Variants in NBAS observed in about 807,000 individuals in gnomAD.
The protein encoded by NBAS is NBAS subunit of NRZ tethering complex.
A neutral mutation model predicts 302.5 loss-of-function variants in NBAS; 219 were observed. The observed-to-expected ratio is 0.72, with a 90% CI of 0.65 to 0.81. The LOEUF (loss-of-function observed/expected upper bound fraction) is 0.81, where lower values mean the gene tolerates loss of function less well. NBAS is among the 30% of genes least tolerant of loss of function. The pLI, the probability that NBAS is intolerant of heterozygous loss-of-function variation, is 0.00. For missense variants in NBAS, 2,932 were observed against 2,841.6 expected (o/e 1.03, Z -0.72); for synonymous variants, 1,118 against 1,021.6 (o/e 1.09, Z -1.80).
the NBAS span, among the ~76,000 whole-genome samples, chr2:14,921,264 C>G: frequency 6.6e-6 from 1 of 152,116 alleles, no homozygotes; most frequent in African/African-American, 2.4e-5. Context: ...AGTTCTCCAT[C>G]TTATATGAGT....
intron 43 of NBAS, among the ~76,000 whole-genome samples, chr2:15,276,101 C>T (rs1020766968): frequency 2.6e-5 from 4 of 152,146 alleles, no homozygotes; most frequent in South Asian, 2.1e-4. Context: ...CCATGCCTTT[C>T]GAATCCGCCG....
the NBAS span, among the ~76,000 whole-genome samples, chr2:15,059,960 A>ACACAC: frequency 7.4e-5 from 8 of 108,708 alleles, no homozygotes; most frequent in Non-Finnish European, 8.4e-5. Flanking sequence ...AAAAAAAAAA[A>ACACAC]AAACAAAAAA....
At chr2:15,362,558 C>A (rs1558271577) in intron 32 of NBAS, among the ~76,000 whole-genome samples, 1 of 151,936 alleles carries the variant, frequency 6.6e-6, no homozygotes. Context: ...GATTCATAAA[C>A]CTATTATTAG....
At chr2:15,043,835 GGT>G in the NBAS span, among the ~76,000 whole-genome samples, 1 of 152,132 alleles carries the variant, frequency 6.6e-6, no homozygotes, top group Admixed American at 6.5e-5. Flanking sequence ...CACCTTGGAG[GGT>G]GCCTTCTGAC....
chr2:14,913,567 A>G, the NBAS span, among the ~76,000 whole-genome samples: 2 of 147,624 alleles, frequency 1.4e-5, no homozygotes, highest in Non-Finnish European at 1.5e-5. Context: ...GAGATATTTC[A>G]TCTCTATCCT....
chr2:15,374,545 A>G, intron 31 of NBAS, 63 bp downstream of exon 31: 1 of 1,387,474 alleles, frequency 7.2e-7, no homozygotes, highest in Non-Finnish European at 1.0e-6. Flanking sequence ...AAACTAAAAA[A>G]GAATACTAGT....
chr2:15,497,420 T>C (rs1279821043), intron 11 of NBAS, among the ~76,000 whole-genome samples: 2 of 152,134 alleles, frequency 1.3e-5, no homozygotes, highest in Non-Finnish European at 2.9e-5. Context: ...AAGATGATAC[T>C]GGTAGCAAAG....
chr2:15,292,786 GA>G lies in NBAS; in HGVS notation c.4798-21del. 1 of 1,610,858 alleles carries G rather than the reference GA, an allele frequency of 6.2e-7. No homozygotes were observed. Among genetic ancestry groups the G allele is most frequent in the Non-Finnish European group, 8.5e-7 (1 of 1,177,220 alleles). On this transcript the variant is annotated intron_variant, in intron 40 of 51. Transcript: ENST00000281513. ...ATCAGCCTATGAAAGACATGGAAAA[GA>G]AGACATTTTACCAACATCATACAAA...
chr2:15,409,738 A>T (rs12989038), intron 25 of NBAS, among the ~76,000 whole-genome samples: 76,933 of 151,900 alleles, frequency 0.51, 22,980 homozygotes, highest in Non-Finnish European at 0.67. Context: ...ATCTATTACC[A>T]GAGGGGAAGT....
the NBAS span, among the ~76,000 whole-genome samples, chr2:15,050,643 AG>A: frequency 6.6e-6 from 1 of 152,144 alleles, no homozygotes; most frequent in Non-Finnish European, 1.5e-5. Context: ...TCCCCTCTGG[AG>A]CCCTAGAGCT....
At chr2:15,460,551 T>C (rs1679459942) in intron 21 of NBAS, among the ~76,000 whole-genome samples, 1 of 152,202 alleles carries the variant, frequency 6.6e-6, no homozygotes. Context: ...GGTCTGTTTT[T>C]GAGCTATGCA....
intron 36 of NBAS, 137 bp downstream of exon 36, chr2:15,330,459 TGA>T: frequency 9.2e-7 from 1 of 1,085,292 alleles, no homozygotes; most frequent in Admixed American, 2.2e-5. Context: ...CCCTATCTGA[TGA>T]GAGGCCTACA....
chr2:15,430,361 T>TATG (rs987752813), intron 21 of NBAS, among the ~76,000 whole-genome samples: 2 of 152,124 alleles, frequency 1.3e-5, no homozygotes, highest in African/African-American at 4.8e-5. Flanking sequence ...ATCACACTGA[T>TATG]ATGATGATGA....
At chr2:14,996,048 G>A in the NBAS span, among the ~76,000 whole-genome samples, 1 of 151,944 alleles carries the variant, frequency 6.6e-6, no homozygotes, top group African/African-American at 2.4e-5. Flanking sequence ...AGTTGGTGAC[G>A]TCCCTGTTGT....
intron 26 of NBAS, among the ~76,000 whole-genome samples, chr2:15,401,830 G>C (rs1179284064): frequency 2.6e-5 from 4 of 152,122 alleles, no homozygotes; most frequent in African/African-American, 7.2e-5. Context: ...TATGAAAAAT[G>C]CTTCATTAAA....
chr2:14,884,675 C>G, the NBAS span, among the ~76,000 whole-genome samples: 1 of 152,172 alleles, frequency 6.6e-6, no homozygotes, highest in African/African-American at 2.4e-5. Context: ...GCCCAGTGCT[C>G]TCCATCAGGG....
At chr2:14,929,622 C>T in the NBAS span, among the ~76,000 whole-genome samples, 1 of 152,220 alleles carries the variant, frequency 6.6e-6, no homozygotes, top group African/African-American at 2.4e-5. Context: ...AGATGATCTG[C>T]CTGCCTTGGC....
Position 15,533,675 on chromosome 2 carries a change from T to TGTGC in NBAS, c.746+864_746+867dup, listed in dbSNP as rs1396999895. Reference sequence around the variant, plus strand: ...AGAGCACAAGGAGGACTTCGGGGGGTGTGCGTGTGTGTGTGTGTGTGTGTG... The same window carrying TGTGC: ...AGAGCACAAGGAGGACTTCGGGGGGTGTGCGTGCGTGTGTGTGTGTGTGTGTGTG... On this transcript the variant is annotated intron_variant, in intron 9 of 51. Transcript: ENST00000281513. 1.3e-4 allele frequency among the ~76,000 whole-genome samples: 14 copies of TGTGC among 108,404 alleles called. No individual in the cohort carries two copies. In the East Asian group the frequency reaches 3.1e-3, roughly 24 times the overall value. 71.1% of individuals were successfully genotyped at this position (108,404 alleles called of 152,430 possible).
the NBAS span, among the ~76,000 whole-genome samples, chr2:14,969,370 GTTATTA>G: frequency 1.4e-3 from 216 of 151,588 alleles, no homozygotes; most frequent in African/African-American, 4.8e-3. Context: ...ATATCTCAAA[GTTATTA>G]TTATTATTAT....
Sources: allele counts gnomAD v4.1 joint callset (sites outside exome capture counted in the v4.1 genomes callset), GRCh38; gene constraint gnomAD v4.1.1; transcripts MANE v1.5; gene names NCBI Gene and HGNC (gene_info 2026-07-23, HGNC 2026-07-21).